The following ITGA6 variants were observed in gnomAD, a reference collection of about 807,000 sequenced individuals.
ITGA6 encodes integrin subunit alpha 6.
ITGA6 carries 63 observed loss-of-function variants against 133.6 expected under a neutral mutation model. The observed-to-expected ratio is 0.47, with a 90% CI of 0.38 to 0.58. ITGA6 has a LOEUF of 0.58. Ranked by LOEUF, ITGA6 falls within the 20% of genes least tolerant of loss-of-function variation. The pLI is 0.00. For missense variants in ITGA6, 1,068 were observed against 1,309.4 expected, an observed-to-expected ratio of 0.82 and a Z score of 2.85; for synonymous variants, 434 against 482.0, an observed-to-expected ratio of 0.90 and a Z score of 1.30.
intron 9 of ITGA6, among the ~76,000 whole-genome samples, chr2:172,477,055 T>C (rs1304288053): frequency 6.6e-6 from 1 of 152,238 alleles, no homozygotes; most frequent in Non-Finnish European, 1.5e-5. Flanking sequence ...GTTCAGAGCT[T>C]ATTTAACCAA....
chr2:172,494,279 G>C (rs1395059038), intron 23 of ITGA6, among the ~76,000 whole-genome samples: 1 of 152,186 alleles, frequency 6.6e-6, no homozygotes, highest in Non-Finnish European at 1.5e-5. Flanking sequence ...GGCCAAGGCA[G>C]GCGGATTGCT....
chr2:172,502,735 A>C (rs917326013), intron 25 of ITGA6, among the ~76,000 whole-genome samples: 3 of 152,188 alleles, frequency 2.0e-5, no homozygotes, highest in Admixed American at 2.0e-4. Flanking sequence ...TTTAAATTCA[A>C]GTTTCTCTTA....
At chr2:172,455,513 A>G (rs935359828) in intron 1 of ITGA6, among the ~76,000 whole-genome samples, 2 of 152,206 alleles carry the variant, frequency 1.3e-5, no homozygotes, top group Admixed American at 6.5e-5. Flanking sequence ...ACATCCAGAC[A>G]CCAACCCTGA....
Position 172,469,160 on chromosome 2 carries a change from T to G in ITGA6, c.423T>G (p.Val141=). The G allele has an allele frequency of 6.2e-7, 1 of 1,614,166 alleles. No homozygotes were observed. The highest frequency in any genetic ancestry group is 1.1e-5 in the South Asian group (1 of 91,084). The change falls in exon 4 of 26, where the codon GTT becomes GTG. Residue 141 remains valine, a synonymous_variant. Transcript: ENST00000684293. ...ACCGATATGAAAAAAGGCAGCATGT[T>G]AATACGAAGCAGGAATCCCGAGACA... ...CAHRYEKRQH[V]NTKQESRDIF...
intron 9 of ITGA6, 36 bp from the exon 10 acceptor site, chr2:172,479,603 CAG>C (rs1436017662): frequency 6.5e-6 from 10 of 1,533,140 alleles, no homozygotes; most frequent in Non-Finnish European, 9.0e-6. Flanking sequence ...TTCAAGGTAA[CAG>C]AGGCTGAGCT....
chr2:172,501,676 C>A, intron 24 of ITGA6, 96 bp from the exon 25 acceptor site: 1 of 1,227,194 alleles, frequency 8.1e-7, no homozygotes, highest in Non-Finnish European at 1.2e-6. Context: ...TGTAAACAAG[C>A]CACTAGTAGA....
Position 172,504,127 on chromosome 2 carries a change from G to GT in ITGA6, c.*61dup. 1 of 1,600,424 alleles carries GT rather than the reference G, an allele frequency of 6.2e-7. No homozygotes were observed. On this transcript the variant is annotated 3_prime_UTR_variant, in exon 26 of 26. Coordinates refer to ENST00000684293, the MANE Select transcript of ITGA6 (RefSeq NM_000210.4). ...TAAACGCTCTAGGTACGATGACAGT[G>GT]TTCCCCGATACCATGCTGTAAGGAT...
chr2:172,474,382 C>A, intron 6 of ITGA6, 117 bp downstream of exon 6: 1 of 869,634 alleles, frequency 1.1e-6, no homozygotes, highest in Non-Finnish European at 1.9e-6. Flanking sequence ...TTTTTATTGC[C>A]GCATTTTTAC....
Position 172,427,687 on chromosome 2 carries a change from G to A in ITGA6, c.-102G>A. ...GGGGCCGGGCGCAGCGGCGAGAGGAGGCGAAGGTGGCTGCGGTAGCAGCAG... is the reference window on the plus strand; with the variant it reads ...GGGGCCGGGCGCAGCGGCGAGAGGAAGCGAAGGTGGCTGCGGTAGCAGCAG... On this transcript the variant is annotated 5_prime_UTR_variant, in exon 1 of 26. Transcript: ENST00000684293. 1.5e-6 allele frequency: 2 copies of A among 1,361,026 alleles called. No individual in the cohort carries two copies. The highest frequency in any genetic ancestry group is 1.8e-5 in the South Asian group (1 of 54,948). 84.3% of individuals were successfully genotyped at this position (1,361,026 alleles called of 1,614,324 possible). A position where few individuals can be genotyped will look rare whatever the true frequency, so the allele number is the denominator to read the frequency against.
At chr2:172,444,583 TCCCCGCC>T (rs973447288) in intron 1 of ITGA6, among the ~76,000 whole-genome samples, 6 of 134,580 alleles carry the variant, frequency 4.5e-5, no homozygotes, top group Non-Finnish European at 6.2e-5. Context: ...TATTCCAAAA[TCCCCGCC>T]CCCCGCCCCC....
In ITGA6 at chr2:172,433,610, G is replaced by T. The variant is rs115363222; in HGVS notation, c.182+5640G>T. On this transcript the variant is annotated intron_variant, in intron 1 of 25. Transcript: ENST00000684293. ...GATGAGGAAACCAAGGCTGTAAGAG[G>T]TGCAGTGGTGGCGGCATGTCTAGCA... is the stretch of plus-strand genomic sequence containing the variant. Among the ~76,000 whole-genome samples, 505 of 152,348 alleles carry T rather than the reference G, an allele frequency of 3.3e-3. 4 individuals carry two copies. The highest frequency in any genetic ancestry group is 0.012 in the African/African-American group (488 of 41,566).
At chr2:172,463,305 A>G (rs1185326277) in intron 1 of ITGA6, among the ~76,000 whole-genome samples, 3 of 152,168 alleles carry the variant, frequency 2.0e-5, no homozygotes, top group Non-Finnish European at 4.4e-5. Flanking sequence ...CACACAGTTA[A>G]GACAATGGGA....
At chr2:172,442,091 C>T (rs1684567641) in intron 1 of ITGA6, among the ~76,000 whole-genome samples, 1 of 152,174 alleles carries the variant, frequency 6.6e-6, no homozygotes, top group African/African-American at 2.4e-5. Context: ...TGCCTGTGGC[C>T]ACAAATCCAG....
At chr2:172,433,707 T>C (rs1459528180) in intron 1 of ITGA6, among the ~76,000 whole-genome samples, 1 of 152,216 alleles carries the variant, frequency 6.6e-6, no homozygotes. Context: ...CTTTTAGGTT[T>C]GGTTTTCATC....
chr2:172,503,716 A>T (rs116669824), intron 25 of ITGA6: 2,311 of 155,030 alleles, frequency 0.015, 51 homozygotes, highest in African/African-American at 0.052. Context: ...GGTTTATGCC[A>T]TTTAAAAATT....
intron 1 of ITGA6, among the ~76,000 whole-genome samples, chr2:172,459,311 C>A (rs1405516075): frequency 6.6e-6 from 1 of 152,128 alleles, no homozygotes; most frequent in Non-Finnish European, 1.5e-5. Context: ...CAAGACCAGC[C>A]TGGTCAACAT....
intron 1 of ITGA6, among the ~76,000 whole-genome samples, chr2:172,457,192 G>A (rs912829636): frequency 6.6e-6 from 1 of 151,350 alleles, no homozygotes; most frequent in Non-Finnish European, 1.5e-5. Context: ...TACTGAGGAG[G>A]CTGAAGCAGG....
Position 172,498,107 on chromosome 2 carries a change from C to A in ITGA6, c.3114+7C>A. The A allele has an allele frequency of 1.9e-6, 3 of 1,612,392 alleles. No homozygotes were observed. The South Asian group carries it at 3.3e-5, about 18-fold the overall frequency. ...AGTGTTTATACTATGGAAGGTAAGT[C>A]ATATCTGGCATTTGAATTTCATAAC... On this transcript the variant is annotated splice_region_variant and intron_variant, in intron 24 of 25. Transcript: ENST00000684293.
intron 23 of ITGA6, among the ~76,000 whole-genome samples, chr2:172,497,297 G>C (rs1158455577): frequency 6.6e-6 from 1 of 152,046 alleles, no homozygotes; most frequent in Non-Finnish European, 1.5e-5. Flanking sequence ...CCTGAAGCCA[G>C]CACTTTGTGA....
Sources: allele counts gnomAD v4.1 joint callset (sites outside exome capture counted in the v4.1 genomes callset), GRCh38; gene constraint gnomAD v4.1.1; transcripts MANE v1.5; gene names NCBI Gene and HGNC (gene_info 2026-07-23, HGNC 2026-07-21).